The following CPLANE1 variants were observed in gnomAD, a reference collection of about 807,000 sequenced individuals.
CPLANE1 encodes the protein ciliogenesis and planar polarity effector complex subunit 1, also known as ciliogenesis and planar polarity effector 1.
A neutral mutation model predicts 362.5 loss-of-function variants in CPLANE1; 263 were observed. The observed-to-expected ratio is 0.73, with a 90% CI of 0.66 to 0.80. CPLANE1 has a LOEUF of 0.80. CPLANE1 is among the 30% of genes least tolerant of loss of function. The pLI is 0.00. For missense variants in CPLANE1, 3,461 were observed against 3,793.4 expected (o/e 0.91, Z 2.30); for synonymous variants, 1,212 against 1,302.6 (o/e 0.93, Z 1.50).
chr5:37,101,919 T>C (rs1297290412), downstream of CPLANE1, among the ~76,000 whole-genome samples: 1 of 152,176 alleles, frequency 6.6e-6, no homozygotes, highest in East Asian at 1.9e-4. Context: ...TGATGGTTGG[T>C]TGTATTTCTG....
rs1468807312 is a variant in CPLANE1 at position 37,230,948 on chromosome 5, A to C, written c.1040T>G (p.Leu347Trp). 1.3e-6 allele frequency: 2 copies of C among 1,550,950 alleles called. No homozygotes were observed. The highest frequency in any genetic ancestry group is 1.7e-6 in the Non-Finnish European group (2 of 1,146,634). ...SLVLLTCQGE[L>W]LTLITFGCSI... is the part of the protein sequence containing the mutation. ...GCAACCAAATGTAATTAATGTTAGC[A>C]ATTCACCTTGGCAGGTCAATAAAAC... The change falls in exon 9 of 53, where the codon TTG becomes TGG. Residue 347 changes from leucine to tryptophan, a missense_variant. This residue lies in a region of CPLANE1 where 3,380 missense variants were observed against 3,666.1 expected (regional missense o/e 0.92). Coordinates refer to ENST00000651892, the MANE Select transcript of CPLANE1 (RefSeq NM_001384732.1).
At chr5:37,085,003 A>C in the CPLANE1 span, 113 of 585,150 alleles carry the variant, frequency 1.9e-4, no homozygotes, top group Middle Eastern at 4.4e-4. Flanking sequence ...ACAGCAGTTT[A>C]GAATTCTTAC....
intron 8 of CPLANE1, among the ~76,000 whole-genome samples, chr5:37,233,115 A>C (rs543541377): frequency 1.1e-4 from 17 of 152,312 alleles, no homozygotes; most frequent in African/African-American, 4.1e-4. Context: ...GAGCTGCCTA[A>C]AGAATGCTCA....
intron 46 of CPLANE1, among the ~76,000 whole-genome samples, chr5:37,129,270 A>AT (rs917675696): frequency 1.1e-4 from 17 of 152,230 alleles, no homozygotes; most frequent in African/African-American, 3.6e-4. Context: ...TGTATCAAGG[A>AT]TTTAAATCTA....
chr5:37,186,184 A>T, intron 24 of CPLANE1, 102 bp downstream of exon 24: 1 of 630,178 alleles, frequency 1.6e-6, no homozygotes, highest in Non-Finnish European at 2.9e-6. Flanking sequence ...GAAGAGGCAA[A>T]AATGCATAGA....
Position 37,142,464 on chromosome 5 carries a change from A to G in CPLANE1, c.8478T>C (p.His2826=), listed in dbSNP as rs755100056. 8.2e-6 allele frequency: 13 copies of G among 1,594,292 alleles called. No individual in the cohort carries two copies. Among genetic ancestry groups the G allele is most frequent in the African/African-American group, 1.4e-5 (1 of 73,532 alleles). The part of the protein sequence containing the change: ...SISEEVRFLT[H]MDEEDQSDKK... Reference sequence around the variant, plus strand: ...TGTCACTTTGATCTTCTTCATCCATATGGGTCAAAAAACGCACTAATCCAG... The same window carrying G: ...TGTCACTTTGATCTTCTTCATCCATGTGGGTCAAAAAACGCACTAATCCAG... Residue 2826 remains histidine, a synonymous_variant, in exon 44 of 53, where the codon CAT becomes CAC. Coordinates refer to ENST00000651892, the MANE Select transcript of CPLANE1 (RefSeq NM_001384732.1).
chr5:37,231,124 C>A, intron 8 of CPLANE1, 75 bp from the exon 9 acceptor site: 1 of 1,090,578 alleles, frequency 9.2e-7, no homozygotes, highest in Non-Finnish European at 1.2e-6. Flanking sequence ...TGGGCTGTAC[C>A]AAGCAGAGGT....
At chr5:37,207,407 G>A (rs183406265) in intron 16 of CPLANE1, among the ~76,000 whole-genome samples, 1 of 152,220 alleles carries the variant, frequency 6.6e-6, no homozygotes, top group African/African-American at 2.4e-5. Context: ...CCAGGAGACT[G>A]GCTAAATTTT....
chr5:37,153,930 T>C lies in CPLANE1; in HGVS notation c.8183A>G (p.Tyr2728Cys). 6.2e-7 allele frequency: 1 copy of C among 1,614,128 alleles called. No homozygotes were observed. The highest frequency in any genetic ancestry group is 8.5e-7 in the Non-Finnish European group (1 of 1,180,006). Residue 2728 changes from tyrosine (Y) to cysteine (C), a missense_variant, in exon 42 of 53, where the codon TAT becomes TGT. This residue lies in a region of CPLANE1 where 3,380 missense variants were observed against 3,666.1 expected (regional missense o/e 0.92). Transcript: ENST00000651892. ...ACCTTGCAGCCGTTTCCACAATAGA[T>C]AATCTTCTGCAGAGTCTGACTTTGT... ...QSTKSDSAED[Y>C]LLWKRLQGVS...
At chr5:37,125,528 T>C (rs1194774572) in intron 46 of CPLANE1, 119 bp from the exon 47 acceptor site, 2 of 910,084 alleles carry the variant, frequency 2.2e-6, no homozygotes, top group South Asian at 1.6e-5. Context: ...AAGTAGTATA[T>C]ACTTATGTTC....
chr5:37,203,535 C>T (rs1315324048), intron 18 of CPLANE1, among the ~76,000 whole-genome samples: 1 of 152,060 alleles, frequency 6.6e-6, no homozygotes, highest in Non-Finnish European at 1.5e-5. Context: ...TTTTTTGAGA[C>T]AAGGATCTCA....
At chr5:37,100,286 TAAGGTATAAG>T in the CPLANE1 span, among the ~76,000 whole-genome samples, 1 of 152,226 alleles carries the variant, frequency 6.6e-6, no homozygotes, top group East Asian at 1.9e-4. Context: ...AATTTTTGTA[TAAGGTATAAG>T]GAAGGGGTCC....
chr5:37,145,808 TATATC>T (rs1771392785), intron 43 of CPLANE1, among the ~76,000 whole-genome samples: 2 of 151,942 alleles, frequency 1.3e-5, no homozygotes, highest in Non-Finnish European at 1.5e-5. Context: ...TAAGCACAAA[TATATC>T]AGTAAATACA....
At chr5:37,159,059 C>CAA (rs1776060453) in intron 38 of CPLANE1, among the ~76,000 whole-genome samples, 1 of 141,394 alleles carries the variant, frequency 7.1e-6, no homozygotes, top group Admixed American at 7.3e-5. Context: ...GCTGGGATTA[C>CAA]AGGCATGAGC....
In CPLANE1 at chr5:37,114,943, T is replaced by TC; in HGVS notation, c.9400+16dup. 1 of 1,487,822 alleles carries TC rather than the reference T, an allele frequency of 6.7e-7. No individual in the cohort carries two copies. The highest frequency in any genetic ancestry group is 2.3e-5 in the East Asian group (1 of 44,316). 92.2% of individuals were successfully genotyped at this position (1,487,822 alleles called of 1,614,324 possible). On this transcript the variant is annotated intron_variant, in intron 51 of 52. Transcript: ENST00000651892. ...TTCAGTATTAAGTCTAAAAACTTTA[T>TC]CTTCTTTATCCCTTACCTTTTTGGA...
At chr5:37,079,192 A>G in the CPLANE1 span, among the ~76,000 whole-genome samples, 24 of 150,818 alleles carry the variant, frequency 1.6e-4, no homozygotes, top group African/African-American at 3.9e-4. Flanking sequence ...TGGGTTTTAC[A>G]TTTAAGTCTT....
At chr5:37,157,599 G>T in intron 40 of CPLANE1, 71 bp downstream of exon 40, 1 of 1,323,922 alleles carries the variant, frequency 7.6e-7, no homozygotes, top group Non-Finnish European at 1.1e-6. Context: ...TAAGAGATGT[G>T]AGTAGGGATA....
rs74425342 is a variant in CPLANE1, at chr5:37,219,024, A to G, written c.2746+2300T>C. Among the ~76,000 whole-genome samples the G allele has an allele frequency of 5.9e-3, 900 of 152,308 alleles. 11 individuals are homozygous for G. Among genetic ancestry groups the G allele is most frequent in the African/African-American group, 0.021 (855 of 41,566 alleles). On this transcript the variant is annotated intron_variant, in intron 15 of 52. Coordinates refer to ENST00000651892, the MANE Select transcript of CPLANE1 (RefSeq NM_001384732.1). ...ATGAAAGTTAAATCACGTAAGGACA[A>G]TATTGCAAAAATAAACAAATAAATA...
At position 37,239,700 on chromosome 5, in the gene CPLANE1, G is replaced by A; in HGVS notation, c.834+13C>T. 1.4e-6 allele frequency: 2 copies of A among 1,446,204 alleles called. No homozygotes were observed. The highest frequency in any genetic ancestry group is 1.8e-4 in the Middle Eastern group (1 of 5,528). 89.6% of individuals were successfully genotyped at this position (1,446,204 alleles called of 1,614,324 possible). A position where few individuals can be genotyped will look rare whatever the true frequency, so the allele number is the denominator to read the frequency against. ...CTTTTATAGATTACTTTCTAAGACAGATATTTACTGACCTTGGGGTCTTTC... is the reference window on the plus strand; with the variant it reads ...CTTTTATAGATTACTTTCTAAGACAAATATTTACTGACCTTGGGGTCTTTC... On this transcript the variant is annotated intron_variant, in intron 7 of 52. Coordinates refer to ENST00000651892, the MANE Select transcript of CPLANE1 (RefSeq NM_001384732.1).
Sources: allele counts gnomAD v4.1 joint callset (sites outside exome capture counted in the v4.1 genomes callset), GRCh38; gene constraint gnomAD v4.1.1; regional missense constraint gnomAD v4.1.1; transcripts MANE v1.5; gene names NCBI Gene and HGNC (gene_info 2026-07-23, HGNC 2026-07-21).